Variants in ZNF277 observed in about 807,000 individuals in gnomAD.
ZNF277 encodes the protein nuclear receptor-interacting factor 4.
In ZNF277, 55 loss-of-function variants were observed where a neutral mutation model predicts 60.7. The ratio of observed to expected loss-of-function variants is 0.91; its 90% CI spans 0.73 to 1.13. The LOEUF (loss-of-function observed/expected upper bound fraction) is 1.13. ZNF277 is among the 50% of genes most tolerant of loss of function. The pLI, the probability that ZNF277 is intolerant of heterozygous loss-of-function variation, is 0.00. For synonymous variants in ZNF277, 178 were observed against 179.3 expected, an observed-to-expected ratio of 0.99 and a Z score of 0.06; for missense variants, 510 against 523.0, an observed-to-expected ratio of 0.98 and a Z score of 0.24.
intron 1 of ZNF277, among the ~76,000 whole-genome samples, chr7:112,269,959 A>G (rs1231705935): frequency 6.6e-6 from 1 of 152,120 alleles, no homozygotes; most frequent in Non-Finnish European, 1.5e-5. Context: ...AAATCACACA[A>G]TAAGAATAAT....
chr7:112,211,735 C>T (rs1486032153), intron 1 of ZNF277, among the ~76,000 whole-genome samples: 8 of 152,200 alleles, frequency 5.3e-5, no homozygotes, highest in Admixed American at 5.2e-4. Flanking sequence ...CTTGTCTAGC[C>T]TCATCTTCAG....
intron 6 of ZNF277, among the ~76,000 whole-genome samples, 192 bp from the exon 7 acceptor site, chr7:112,329,892 A>G (rs1453115415): frequency 1.3e-5 from 2 of 152,240 alleles, no homozygotes; most frequent in Non-Finnish European, 2.9e-5. Flanking sequence ...AGCTGACTAC[A>G]AAATACACCA....
chr7:112,295,837 T>C, intron 2 of ZNF277, 32 bp from the exon 3 acceptor site: 1 of 1,517,718 alleles, frequency 6.6e-7, no homozygotes, highest in African/African-American at 1.4e-5. Context: ...TATTGAATCT[T>C]CTCATCGTTC....
At chr7:112,260,497 C>A (rs959982284) in intron 1 of ZNF277, among the ~76,000 whole-genome samples, 25 of 152,124 alleles carry the variant, frequency 1.6e-4, no homozygotes, top group African/African-American at 6.0e-4. Context: ...TCTCAAAACA[C>A]ATTTTAATGA....
chr7:112,238,126 G>A (rs1180813146), intron 1 of ZNF277, among the ~76,000 whole-genome samples: 2 of 152,284 alleles, frequency 1.3e-5, no homozygotes, highest in South Asian at 2.1e-4. Flanking sequence ...ACAGTACCTG[G>A]TTTTAACATC....
chr7:112,312,166 A>G (rs1792746776), intron 4 of ZNF277, among the ~76,000 whole-genome samples: 1 of 152,126 alleles, frequency 6.6e-6, no homozygotes, highest in Non-Finnish European at 1.5e-5. Flanking sequence ...GATAACATTA[A>G]CAACGTTTTC....
chr7:112,222,787 C>T (rs1471274929), intron 1 of ZNF277, among the ~76,000 whole-genome samples: 2 of 152,096 alleles, frequency 1.3e-5, no homozygotes, highest in Admixed American at 1.3e-4. Context: ...TGATCCTGAG[C>T]GTGTCTGTGA....
intron 1 of ZNF277, among the ~76,000 whole-genome samples, chr7:112,214,526 A>G (rs961217354): frequency 6.6e-6 from 1 of 152,172 alleles, no homozygotes; most frequent in Non-Finnish European, 1.5e-5. Context: ...GTGGTGATAG[A>G]TTTGACTGAT....
chr7:112,272,767 A>G lies in ZNF277; in HGVS notation c.92-14106A>G, dbSNP rs181430545. ...CCTCGGACTTCCAAAGTGCTGGGAT[A>G]ACAGGCGTGAGCCACTGTACCCGGC... On this transcript the variant is annotated intron_variant, in intron 1 of 11. Transcript: ENST00000361822. Among the ~76,000 whole-genome samples, 30 of 152,248 alleles carry G rather than the reference A, an allele frequency of 2.0e-4. No homozygotes were observed. In the East Asian group the frequency reaches 5.8e-3, roughly 29 times the overall value.
At position 112,273,992 on chromosome 7, in the gene ZNF277, T is replaced by G. The variant is rs78581364; in HGVS notation, c.92-12881T>G. Among the ~76,000 whole-genome samples, 927 of 151,808 alleles carry G rather than the reference T, an allele frequency of 6.1e-3. 9 individuals carry two copies. Among genetic ancestry groups the G allele is most frequent in the African/African-American group, 0.021 (878 of 41,434 alleles). On this transcript the variant is annotated intron_variant, in intron 1 of 11. Transcript: ENST00000361822. ...AAAAGACAATTTATTAGTTTTCATT[T>G]TCAAATCGAGTCTTGCTTTATAGCA...
chr7:112,316,831 T>A (rs1041759504), intron 4 of ZNF277, among the ~76,000 whole-genome samples: 1 of 152,096 alleles, frequency 6.6e-6, no homozygotes, highest in South Asian at 2.1e-4. Context: ...TAAATCATTC[T>A]ACTATAAAGA....
chr7:112,307,475 T>C (rs925324685), intron 4 of ZNF277, among the ~76,000 whole-genome samples: 29 of 151,962 alleles, frequency 1.9e-4, no homozygotes, highest in Admixed American at 6.6e-4. Flanking sequence ...AGTGCAGTGG[T>C]GTGATCTCGG....
intron 6 of ZNF277, among the ~76,000 whole-genome samples, chr7:112,329,343 A>C (rs1173487534): frequency 6.6e-6 from 1 of 152,154 alleles, no homozygotes. Context: ...TAGTATGAGA[A>C]AGACATTTTG....
chr7:112,245,986 G>A (rs561269756), intron 1 of ZNF277, among the ~76,000 whole-genome samples: 4 of 152,100 alleles, frequency 2.6e-5, no homozygotes, highest in African/African-American at 4.8e-5. Context: ...GTTCCACAAC[G>A]TAAGGAAGGG....
chr7:112,239,328 G>A (rs1050610634), intron 1 of ZNF277, among the ~76,000 whole-genome samples: 19 of 152,026 alleles, frequency 1.2e-4, no homozygotes, highest in Non-Finnish European at 5.9e-5. Context: ...TCGCCCTGAA[G>A]GGAAGGACAC....
At chr7:112,234,668 A>G (rs1355022403) in intron 1 of ZNF277, among the ~76,000 whole-genome samples, 1 of 152,182 alleles carries the variant, frequency 6.6e-6, no homozygotes, top group Non-Finnish European at 1.5e-5. Flanking sequence ...AATGCAGCAT[A>G]TTACCAAAGT....
At chr7:112,309,453 G>A (rs1316867106) in intron 4 of ZNF277, among the ~76,000 whole-genome samples, 4 of 151,898 alleles carry the variant, frequency 2.6e-5, no homozygotes, top group Non-Finnish European at 5.9e-5. Flanking sequence ...GAGACAAGAA[G>A]TATCTGTACT....
chr7:112,212,986 A>G (rs1388588394), intron 1 of ZNF277, among the ~76,000 whole-genome samples: 2 of 152,170 alleles, frequency 1.3e-5, no homozygotes, highest in Admixed American at 6.5e-5. Context: ...AGAATTATAG[A>G]AACTACTCTT....
intron 1 of ZNF277, among the ~76,000 whole-genome samples, chr7:112,251,187 T>A (rs889691627): frequency 1.3e-5 from 2 of 152,180 alleles, no homozygotes; most frequent in African/African-American, 2.4e-5. Context: ...AGAGTGAATT[T>A]TTCTCTTCTC....
Sources: allele counts gnomAD v4.1 joint callset (sites outside exome capture counted in the v4.1 genomes callset), GRCh38; gene constraint gnomAD v4.1.1; transcripts MANE v1.5; gene names NCBI Gene and HGNC (gene_info 2026-07-23, HGNC 2026-07-21).